FSIP2: variants seen among roughly 807,000 people sequenced by gnomAD.
The protein encoded by FSIP2 is fibrous sheath interacting protein 2.
In FSIP2, 367 loss-of-function variants were observed where a neutral mutation model predicts 510.5. That is an observed-to-expected ratio of 0.72 (90% CI 0.66 to 0.78). The LOEUF (loss-of-function observed/expected upper bound fraction) is 0.78. FSIP2 is among the 30% of genes least tolerant of loss of function. The pLI is 0.00. For missense variants in FSIP2, 7,594 were observed against 7,901.7 expected (o/e 0.96, Z 1.48); for synonymous variants, 2,601 against 2,732.2 (o/e 0.95, Z 1.50).
Position 185,797,519 on chromosome 2 carries a change from AACT to A in FSIP2, c.10386_10388del (p.Thr3463del), listed in dbSNP as rs1394227263. 2.8e-5 allele frequency: 42 copies of A among 1,495,028 alleles called. No homozygotes were observed. The East Asian group carries it at 1.0e-3, about 36-fold the overall frequency. 92.6% of individuals were successfully genotyped at this position (1,495,028 alleles called of 1,614,324 possible). ...TGGTCACATATTTGAAGAACTTTGA[AACT>A]ACAGGTAAGCAAGAGAGAACGTACC... On this transcript the variant is annotated inframe_deletion, in exon 16 of 23. Transcript: ENST00000424728.
At position 185,745,529 on chromosome 2, in the gene FSIP2, C is replaced by T. The variant is rs1284894269; in HGVS notation, c.578C>T (p.Thr193Ile). 1 of 1,535,688 alleles carries T rather than the reference C, an allele frequency of 6.5e-7. No individual in the cohort carries two copies. The highest frequency in any genetic ancestry group is 2.0e-5 in the Admixed American group (1 of 50,962). The change falls in exon 5 of 23, where the codon ACT becomes ATT. Residue 193 changes from threonine (T) to isoleucine (I), a missense_variant. Coordinates refer to ENST00000424728, the MANE Select transcript of FSIP2 (RefSeq NM_173651.4). ...QVQNWLLKEG[T>I]ESIKDQERLM... ...CAAAACTGGTTGTTAAAGGAGGGCA[C>T]TGAATCTATTAAGGACCAGGAGCGG...
intron 19 of FSIP2, among the ~76,000 whole-genome samples, chr2:185,818,577 G>T (rs562925085): frequency 6.6e-6 from 1 of 151,910 alleles, no homozygotes; most frequent in South Asian, 2.1e-4. Context: ...GAAGGAAAGT[G>T]ATTCATCATG....
chr2:185,786,379 G>T, intron 15 of FSIP2, 91 bp downstream of exon 15: 1 of 793,052 alleles, frequency 1.3e-6, no homozygotes, highest in Non-Finnish European at 2.0e-6. Flanking sequence ...CTAAGTAATA[G>T]GAATCATCCA....
intron 7 of FSIP2, among the ~76,000 whole-genome samples, chr2:185,750,775 G>T (rs1379201336): frequency 2.7e-5 from 4 of 150,132 alleles, no homozygotes; most frequent in Admixed American, 2.0e-4. Flanking sequence ...GATTTTTTTT[G>T]ATATACGATG....
At chr2:185,739,273 G>A (rs775209816) in intron 1 of FSIP2, 73 bp from the exon 2 acceptor site, 19 of 1,394,996 alleles carry the variant, frequency 1.4e-5, no homozygotes, top group Non-Finnish European at 1.6e-5. Context: ...TGGTTGCAAT[G>A]GAAGTAGATT....
At chr2:185,788,051 T>C (rs1371057216) in intron 15 of FSIP2, 2 of 151,756 alleles carry the variant, frequency 1.3e-5, no homozygotes, top group African/African-American at 4.8e-5. Flanking sequence ...TATTTTTGCC[T>C]ATCAAATAAT....
rs1438283986 is a variant in FSIP2, at chr2:185,791,888, T to A, written c.4752T>A (p.Asp1584Glu). Residue 1584 changes from aspartate (D) to glutamate (E), a missense_variant, in exon 16 of 23, where the codon GAT becomes GAA. Transcript: ENST00000424728. ...ATAAACTAAAAGCTGTAGCTTCAGATATTCTTAATATGGTTTTTGCTAAAC... is the reference window on the plus strand; with the variant it reads ...ATAAACTAAAAGCTGTAGCTTCAGAAATTCTTAATATGGTTTTTGCTAAAC... Reference protein sequence around the residue: ...HPNKLKAVASDILNMVFAKLE... With the variant: ...HPNKLKAVASEILNMVFAKLE... 2 of 1,534,060 alleles carry A rather than the reference T, an allele frequency of 1.3e-6. No homozygotes were observed. The highest frequency in any genetic ancestry group is 2.4e-5 in the South Asian group (2 of 83,976).
intron 2 of FSIP2, 136 bp from the exon 3 acceptor site, chr2:185,742,997 A>G (rs1691953275): frequency 6.1e-6 from 4 of 656,274 alleles, no homozygotes; most frequent in Admixed American, 3.6e-5. Context: ...CCCAACTCCA[A>G]TTTTTCTGTG....
chr2:185,755,371 C>G (rs1692226754), intron 8 of FSIP2, among the ~76,000 whole-genome samples: 1 of 151,614 alleles, frequency 6.6e-6, no homozygotes, highest in Admixed American at 6.6e-5. Context: ...GATATGAAAT[C>G]ACTTCAGTAA....
chr2:185,800,147 T>G lies in FSIP2; in HGVS notation c.10841T>G (p.Val3614Gly), dbSNP rs932986062. The change falls in exon 17 of 23, where the codon GTA becomes GGA. Residue 3614 changes from valine to glycine, a missense_variant. Coordinates refer to ENST00000424728, the MANE Select transcript of FSIP2 (RefSeq NM_173651.4). Reference protein sequence around the residue: ...FQDLLVGVIHVLSKEIEVDYH... With the variant: ...FQDLLVGVIHGLSKEIEVDYH... ...GATCTCTTAGTAGGAGTGATTCATG[T>G]ACTGTCCAAAGAAATAGAAGTAGAT... 3.0e-5 allele frequency: 46 copies of G among 1,533,756 alleles called. No individual in the cohort carries two copies. The highest frequency in any genetic ancestry group is 3.9e-5 in the Non-Finnish European group (45 of 1,145,564).
At chr2:185,761,270 G>A (rs1692345598) in intron 10 of FSIP2, among the ~76,000 whole-genome samples, 167 bp downstream of exon 10, 2 of 151,088 alleles carry the variant, frequency 1.3e-5, no homozygotes, top group Non-Finnish European at 3.0e-5. Flanking sequence ...TGTTAAGTTA[G>A]CTTTGTGCTA....
chr2:185,802,960 G>A lies in FSIP2; in HGVS notation c.13654G>A (p.Val4552Met). The change falls in exon 17 of 23, where the codon GTG becomes ATG. Residue 4552 changes from valine to methionine, a missense_variant. By Grantham distance (21) the Val-to-Met change is conservative. Transcript: ENST00000424728. The part of the protein sequence containing the change: ...HLVDSVFANV[V>M]QTSGSQESAV... Reference sequence around the variant, plus strand: ...TGTTGATTCAGTATTTGCAAATGTTGTGCAAACCTCTGGTTCTCAAGAATC... The same window carrying A: ...TGTTGATTCAGTATTTGCAAATGTTATGCAAACCTCTGGTTCTCAAGAATC... 1 of 1,528,110 alleles carries A rather than the reference G, an allele frequency of 6.5e-7. No individual in the cohort carries two copies. The highest frequency in any genetic ancestry group is 2.5e-5 in the East Asian group (1 of 40,776). The allele number at this position is 1,528,110 out of a possible 1,614,324, so 94.7% of individuals were successfully genotyped here.
At chr2:185,745,241 T>G (rs1412979033) in intron 4 of FSIP2, among the ~76,000 whole-genome samples, 188 bp from the exon 5 acceptor site, 2 of 152,136 alleles carry the variant, frequency 1.3e-5, no homozygotes, top group South Asian at 4.1e-4. Flanking sequence ...AACTGAAATG[T>G]TTACCTTTTA....
intron 9 of FSIP2, among the ~76,000 whole-genome samples, chr2:185,759,731 G>A (rs1692313785): frequency 6.7e-6 from 1 of 148,532 alleles, no homozygotes; most frequent in East Asian, 2.0e-4. Context: ...GGAATTGAAC[G>A]AATTTTTAAT....
At chr2:185,810,302 C>T (rs889119032) in intron 17 of FSIP2, among the ~76,000 whole-genome samples, 24 of 152,140 alleles carry the variant, frequency 1.6e-4, no homozygotes, top group African/African-American at 5.5e-4. Flanking sequence ...CCCTTCATGG[C>T]TTGGTGCTGT....
Position 185,794,502 on chromosome 2 carries a change from T to C in FSIP2, c.7366T>C (p.Leu2456=), listed in dbSNP as rs141509550. The C allele has an allele frequency of 8.6e-4, 1,317 of 1,523,156 alleles. 16 individuals are homozygous for C. In the East Asian group the frequency reaches 0.026, roughly 30 times the overall value. The allele number at this position is 1,523,156 out of a possible 1,614,324, so 94.4% of individuals were successfully genotyped here. Residue 2456 remains leucine (L), a synonymous_variant, in exon 16 of 23, where the codon TTG becomes CTG. Transcript: ENST00000424728. ...KYPLEQNQMI[L]ENKRQIIVLE... is the part of the protein sequence containing the mutation. ...TCCATTAGAGCAAAACCAAATGATATTGGAAAACAAAAGGCAGATAATTGT... is the reference window on the plus strand; with the variant it reads ...TCCATTAGAGCAAAACCAAATGATACTGGAAAACAAAAGGCAGATAATTGT...
rs2105610860 is a variant in FSIP2, at chr2:185,789,783, A to T, written c.2647A>T (p.Ile883Phe). Residue 883 changes from isoleucine (I) to phenylalanine (F), a missense_variant, in exon 16 of 23, where the codon ATT becomes TTT. By Grantham distance (21) the Ile-to-Phe change is conservative. Transcript: ENST00000424728. ...SSLESDEASL[I>F]VNEEVQNLIS... ...TCTTGAATCTGATGAAGCTAGTTTA[A>T]TTGTCAATGAAGAAGTACAAAATTT... is the stretch of plus-strand genomic sequence containing the variant. The T allele has an allele frequency of 6.5e-7, 1 of 1,534,258 alleles. No individual in the cohort carries two copies. The highest frequency in any genetic ancestry group is 2.4e-5 in the East Asian group (1 of 40,842).
At position 185,790,382 on chromosome 2, in the gene FSIP2, G is replaced by T. The variant is rs1011547878; in HGVS notation, c.3246G>T (p.Lys1082Asn). 3.9e-6 allele frequency: 6 copies of T among 1,526,830 alleles called. No individual in the cohort carries two copies. The African/African-American group carries it at 6.9e-5, about 18-fold the overall frequency. The allele number at this position is 1,526,830 out of a possible 1,614,324, so 94.6% of individuals were successfully genotyped here. The change falls in exon 16 of 23, where the codon AAG becomes AAT. Residue 1082 changes from lysine (K) to asparagine (N), a missense_variant. Transcript: ENST00000424728. ...PPSTNHEDIL[K>N]KKLSSNKDIS... Reference sequence around the variant, plus strand: ...CTACTAATCATGAAGATATTTTAAAGAAAAAACTTTCTTCGAATAAAGACA... The same window carrying T: ...CTACTAATCATGAAGATATTTTAAATAAAAAACTTTCTTCGAATAAAGACA...
intron 19 of FSIP2, among the ~76,000 whole-genome samples, chr2:185,820,394 C>T (rs1693893387): frequency 6.6e-6 from 1 of 151,802 alleles, no homozygotes. Context: ...TACCCAGTCT[C>T]AGGCAGACCT....
Sources: allele counts gnomAD v4.1 joint callset (sites outside exome capture counted in the v4.1 genomes callset), GRCh38; gene constraint gnomAD v4.1.1; transcripts MANE v1.5; gene names NCBI Gene and HGNC (gene_info 2026-07-23, HGNC 2026-07-21).